JMJD1C: variants seen among roughly 807,000 people sequenced by gnomAD.
The protein encoded by JMJD1C is jumonji domain-containing protein 1C.
In JMJD1C, 31 loss-of-function variants were observed where a neutral mutation model predicts 245.3. The ratio of observed to expected loss-of-function variants is 0.13; its 90% CI spans 0.09 to 0.17. JMJD1C has a LOEUF of 0.17. Ranked by LOEUF, JMJD1C falls within the 10% of genes least tolerant of loss-of-function variation. The pLI is 1.00. For synonymous variants in JMJD1C, 1,057 were observed against 1,017.4 expected, an observed-to-expected ratio of 1.04 and a Z score of -0.74; for missense variants, 2,691 against 3,000.2, an observed-to-expected ratio of 0.90 and a Z score of 2.41.
chr10:63,365,880 A>C (rs1261265856), intron 2 of JMJD1C, among the ~76,000 whole-genome samples: 3 of 152,218 alleles, frequency 2.0e-5, no homozygotes, highest in Admixed American at 1.3e-4. Flanking sequence ...ACTGGGAAAC[A>C]ATCACTAGGC....
intron 10 of JMJD1C, chr10:63,202,395 T>C (rs1037735960): frequency 1.0e-6 from 1 of 985,344 alleles, no homozygotes; most frequent in Non-Finnish European, 1.2e-6. Flanking sequence ...TCTGTCATGC[T>C]GAAAGAATAA....
intron 1 of JMJD1C, among the ~76,000 whole-genome samples, chr10:63,448,122 A>T (rs1456531500): frequency 6.6e-6 from 1 of 152,158 alleles, no homozygotes; most frequent in Non-Finnish European, 1.5e-5. Flanking sequence ...TGAATTTAGT[A>T]AAACTAAACA....
chr10:63,197,386 A>C (rs1381811281), intron 13 of JMJD1C, 25 bp downstream of exon 13: 2 of 1,580,162 alleles, frequency 1.3e-6, no homozygotes, highest in East Asian at 2.3e-5. Flanking sequence ...AAAAAACTTC[A>C]ATTTATATAA....
intron 1 of JMJD1C, among the ~76,000 whole-genome samples, chr10:63,406,074 T>C (rs78899560): frequency 6.6e-6 from 1 of 152,244 alleles, no homozygotes; most frequent in Non-Finnish European, 1.5e-5. Flanking sequence ...ACAAGAATAT[T>C]ACATGGGAAA....
chr10:63,241,919 A>G (rs948471682), intron 3 of JMJD1C, among the ~76,000 whole-genome samples: 7 of 152,228 alleles, frequency 4.6e-5, no homozygotes, highest in Admixed American at 6.5e-5. Context: ...TAAAACAGAC[A>G]CATCTCTAAG....
chr10:63,394,417 A>G (rs1018701401), intron 1 of JMJD1C, among the ~76,000 whole-genome samples: 4 of 152,228 alleles, frequency 2.6e-5, no homozygotes, highest in African/African-American at 9.6e-5. Context: ...AATCCATACT[A>G]TATACAAAAA....
At chr10:63,373,506 G>A (rs1329057128) in intron 2 of JMJD1C, among the ~76,000 whole-genome samples, 1 of 152,056 alleles carries the variant, frequency 6.6e-6, no homozygotes, top group Non-Finnish European at 1.5e-5. Context: ...CTAATTTCTA[G>A]GTATAAGAGG....
chr10:63,227,256 T>A (rs78977927), intron 3 of JMJD1C, among the ~76,000 whole-genome samples: 3,672 of 152,278 alleles, frequency 0.024, 106 homozygotes, highest in African/African-American at 0.067. Context: ...ACCAGTATTA[T>A]GAAAATGTTA....
At chr10:63,312,115 T>G (rs78991260) in intron 2 of JMJD1C, among the ~76,000 whole-genome samples, 2,175 of 132,566 alleles carry the variant, frequency 0.016, 25 homozygotes, top group African/African-American at 0.035. Flanking sequence ...TTTTTTTTTT[T>G]TGTGTGTGTG....
intron 3 of JMJD1C, among the ~76,000 whole-genome samples, chr10:63,263,982 A>ACT (rs758099668): frequency 0.31 from 34,352 of 110,004 alleles, 8,052 homozygotes; most frequent in South Asian, 0.41. Flanking sequence ...ACACACACAC[A>ACT]CACACACACA....
intron 2 of JMJD1C, among the ~76,000 whole-genome samples, chr10:63,267,622 T>C (rs1309830652): frequency 6.6e-6 from 1 of 152,162 alleles, no homozygotes; most frequent in African/African-American, 2.4e-5. Flanking sequence ...CAGTAGAATA[T>C]GGCCCTAATC....
chr10:63,505,024 C>T (rs1954674165), intron 1 of JMJD1C, among the ~76,000 whole-genome samples: 1 of 152,086 alleles, frequency 6.6e-6, no homozygotes, highest in African/African-American at 2.4e-5. Flanking sequence ...TTTAAAAAAG[C>T]TTCCTCAGCT....
At chr10:63,366,624 G>A (rs1945864058) in intron 2 of JMJD1C, among the ~76,000 whole-genome samples, 1 of 152,170 alleles carries the variant, frequency 6.6e-6, no homozygotes, top group Non-Finnish European at 1.5e-5. Flanking sequence ...TTGTTTCCTG[G>A]ATGGTTACAA....
chr10:63,471,567 C>T (rs1294713344), intron 1 of JMJD1C, among the ~76,000 whole-genome samples: 1 of 152,190 alleles, frequency 6.6e-6, no homozygotes, highest in African/African-American at 2.4e-5. Flanking sequence ...TATGCTATTT[C>T]TCAAAGGTCT....
At chr10:63,392,833 AAAAAAAAAAAAAAGGTGGGC>A (rs1948164718) in intron 1 of JMJD1C, among the ~76,000 whole-genome samples, 2 of 145,664 alleles carry the variant, frequency 1.4e-5, no homozygotes, top group South Asian at 4.3e-4. Flanking sequence ...CCAAAAAAAA[AAAAAAAAAAAAAAGGTGGGC>A]AAAAAAGTAC....
intron 2 of JMJD1C, among the ~76,000 whole-genome samples, chr10:63,331,660 T>TGGACCC (rs1379246846): frequency 6.6e-6 from 1 of 152,220 alleles, no homozygotes; most frequent in Non-Finnish European, 1.5e-5. Flanking sequence ...TTGCCCAGGC[T>TGGACCC]GGAGTACAGT....
At chr10:63,443,430 C>T (rs560593426) in intron 1 of JMJD1C, among the ~76,000 whole-genome samples, 102 of 152,276 alleles carry the variant, frequency 6.7e-4, no homozygotes, top group African/African-American at 2.4e-3. Flanking sequence ...CCAGCCTCAG[C>T]CTCCCGAGTA....
At chr10:63,187,435 A>T (rs947776871) in intron 18 of JMJD1C, among the ~76,000 whole-genome samples, 2 of 152,164 alleles carry the variant, frequency 1.3e-5, no homozygotes, top group African/African-American at 4.8e-5. Flanking sequence ...GGCTATCACC[A>T]TGATCTTTTT....
intron 16 of JMJD1C, among the ~76,000 whole-genome samples, chr10:63,191,960 G>A (rs1423151932): frequency 1.8e-5 from 2 of 112,626 alleles, no homozygotes; most frequent in Non-Finnish European, 3.3e-5. Context: ...CTCCAGCCTG[G>A]ACAACAGAGT....
Sources: gnomAD v4.1 joint callset for allele counts (sites outside exome capture counted in the v4.1 genomes callset) on GRCh38, gnomAD v4.1.1 for gene constraint, MANE v1.5 for transcripts, NCBI Gene and HGNC (gene_info 2026-07-23, HGNC 2026-07-21) for gene names.